Variants in ZMAT4 observed in about 807,000 individuals in gnomAD.
The protein encoded by ZMAT4 is zinc finger matrin-type 4.
In ZMAT4, 17 loss-of-function variants were observed where a neutral mutation model predicts 28.7. The observed-to-expected ratio is 0.59, with a 90% confidence interval of 0.41 to 0.89. ZMAT4 has a LOEUF of 0.89. Ranked by LOEUF, ZMAT4 falls within the 40% of genes least tolerant of loss-of-function variation. The pLI is 0.00. For synonymous variants in ZMAT4, 117 were observed against 109.2 expected, an observed-to-expected ratio of 1.07 and a Z score of -0.44; for missense variants, 240 against 283.8, an observed-to-expected ratio of 0.85 and a Z score of 1.11.
chr8:40,877,085 G>A (rs1818066232), intron 1 of ZMAT4, among the ~76,000 whole-genome samples: 2 of 152,302 alleles, frequency 1.3e-5, no homozygotes, highest in East Asian at 3.9e-4. Flanking sequence ...AATGACTCAT[G>A]TTCTTATAAA....
chr8:40,715,502 T>C (rs1372655482), intron 3 of ZMAT4, among the ~76,000 whole-genome samples: 1 of 152,226 alleles, frequency 6.6e-6, no homozygotes, highest in Non-Finnish European at 1.5e-5. Context: ...CATCTGATTA[T>C]GCAAAATTAT....
rs193116545 is a variant in ZMAT4 at position 40,855,533 on chromosome 8, G to A, written c.-4-29853C>T. Among the ~76,000 whole-genome samples, 576 of 152,156 alleles carry A rather than the reference G, an allele frequency of 3.8e-3. 2 individuals are homozygous for A. The highest frequency in any genetic ancestry group is 0.013 in the African/African-American group (548 of 41,504). On this transcript the variant is annotated intron_variant, in intron 1 of 6. Transcript: ENST00000297737. ...TGCCCCTGGATCGAATCCAAACCAG[G>A]TCTCATGGAAACTGGGGCATTTTCC...
intron 5 of ZMAT4, among the ~76,000 whole-genome samples, chr8:40,636,326 G>A (rs755288163): frequency 2.0e-5 from 3 of 152,280 alleles, no homozygotes; most frequent in African/African-American, 4.8e-5. Flanking sequence ...GAAGTATGGC[G>A]CACAAAAGCT....
chr8:40,594,542 A>G (rs1419867639), intron 5 of ZMAT4, among the ~76,000 whole-genome samples: 1 of 152,196 alleles, frequency 6.6e-6, no homozygotes, highest in Non-Finnish European at 1.5e-5. Context: ...AATGGAGATA[A>G]TAATTGTACC....
At chr8:40,784,361 G>A (rs148576880) in intron 2 of ZMAT4, among the ~76,000 whole-genome samples, 5 of 152,106 alleles carry the variant, frequency 3.3e-5, no homozygotes, top group East Asian at 1.9e-4. Flanking sequence ...GACAAAATCC[G>A]GCACCTATTT....
At chr8:40,763,561 C>T (rs755329397) in intron 3 of ZMAT4, among the ~76,000 whole-genome samples, 1 of 152,162 alleles carries the variant, frequency 6.6e-6, no homozygotes, top group Non-Finnish European at 1.5e-5. Context: ...GACCCCATAA[C>T]AGTTACAAGG....
At chr8:40,822,589 C>T (rs1815870769) in intron 2 of ZMAT4, among the ~76,000 whole-genome samples, 2 of 152,140 alleles carry the variant, frequency 1.3e-5, no homozygotes, top group Non-Finnish European at 2.9e-5. Context: ...TCATCTGATG[C>T]AAGCCATCTT....
chr8:40,727,932 A>C (rs1207209073), intron 3 of ZMAT4, among the ~76,000 whole-genome samples: 1 of 152,204 alleles, frequency 6.6e-6, no homozygotes, highest in Non-Finnish European at 1.5e-5. Flanking sequence ...CTGAATTTTT[A>C]TGCAAAGAAT....
chr8:40,726,485 C>T (rs1347449348), intron 3 of ZMAT4, among the ~76,000 whole-genome samples: 2 of 152,140 alleles, frequency 1.3e-5, no homozygotes, highest in Admixed American at 1.3e-4. Context: ...GTTATTCTAC[C>T]AGAGGGCAGA....
At chr8:40,801,371 T>TATATATAC (rs1199428052) in intron 2 of ZMAT4, among the ~76,000 whole-genome samples, 12 of 144,854 alleles carry the variant, frequency 8.3e-5, no homozygotes, top group East Asian at 4.1e-4. Flanking sequence ...TATATATATA[T>TATATATAC]ACATATATAT....
chr8:40,539,277 G>A (rs1477011225), intron 6 of ZMAT4, among the ~76,000 whole-genome samples: 13 of 152,128 alleles, frequency 8.5e-5, no homozygotes, highest in African/African-American at 4.8e-5. Context: ...ATAAACACAT[G>A]AGGAAAATCA....
chr8:40,785,088 A>G (rs567160329), intron 2 of ZMAT4, among the ~76,000 whole-genome samples: 69 of 152,286 alleles, frequency 4.5e-4, no homozygotes, highest in African/African-American at 1.6e-3. Context: ...TGATGCTTCT[A>G]AGCGTTTGCT....
chr8:40,686,940 C>T (rs1485992578), intron 4 of ZMAT4, among the ~76,000 whole-genome samples: 1 of 151,902 alleles, frequency 6.6e-6, no homozygotes, highest in East Asian at 1.9e-4. Flanking sequence ...TTTCCTCAAT[C>T]CCACATTGCT....
intron 2 of ZMAT4, among the ~76,000 whole-genome samples, chr8:40,784,607 C>A (rs985622373): frequency 6.6e-6 from 1 of 152,142 alleles, no homozygotes; most frequent in South Asian, 2.1e-4. Context: ...AGAGCTAAAA[C>A]GTATTGTTTG....
intron 6 of ZMAT4, among the ~76,000 whole-genome samples, chr8:40,567,457 A>T (rs909257179): frequency 6.6e-6 from 1 of 152,110 alleles, no homozygotes; most frequent in Non-Finnish European, 1.5e-5. Flanking sequence ...AAAGCCAGGC[A>T]TGGTGGCTCA....
intron 2 of ZMAT4, among the ~76,000 whole-genome samples, chr8:40,778,853 G>T (rs1008421322): frequency 1.3e-5 from 2 of 152,126 alleles, no homozygotes; most frequent in Admixed American, 1.3e-4. Flanking sequence ...TCTGAAATAC[G>T]TAATCCATCA....
intron 1 of ZMAT4, among the ~76,000 whole-genome samples, chr8:40,881,576 AAGAAAG>A (rs1156407734): frequency 3.7e-5 from 4 of 107,174 alleles, no homozygotes; most frequent in Non-Finnish European, 5.9e-5. Flanking sequence ...GAAAGAAAGA[AAGAAAG>A]AAAGAAAGAA....
intron 3 of ZMAT4, among the ~76,000 whole-genome samples, chr8:40,761,896 T>C (rs1812956980): frequency 6.6e-6 from 1 of 152,222 alleles, no homozygotes; most frequent in African/African-American, 2.4e-5. Context: ...ATTATATTGC[T>C]TGATTATAAC....
At chr8:40,666,867 A>G (rs559829868) in intron 5 of ZMAT4, among the ~76,000 whole-genome samples, 17 of 152,310 alleles carry the variant, frequency 1.1e-4, no homozygotes, top group African/African-American at 4.1e-4. Flanking sequence ...AGAACCACAA[A>G]GCCTAGAAAT....
Sources: gnomAD v4.1 joint callset for allele counts (sites outside exome capture counted in the v4.1 genomes callset) on GRCh38, gnomAD v4.1.1 for gene constraint, MANE v1.5 for transcripts, NCBI Gene and HGNC (gene_info 2026-07-23, HGNC 2026-07-21) for gene names.